The following C11orf65 variants were observed in gnomAD, a reference collection of about 807,000 sequenced individuals.
C11orf65 encodes chromosome 11 open reading frame 65, also known as protein MFI.
C11orf65 carries 38 observed loss-of-function variants against 35.3 expected under a neutral mutation model. The observed-to-expected ratio is 1.08, with a 90% CI of 0.83 to 1.41. The LOEUF (loss-of-function observed/expected upper bound fraction) is 1.41, where lower values mean the gene tolerates loss of function less well. C11orf65 is among the 40% of genes most tolerant of loss of function. The pLI, the probability that C11orf65 is intolerant of heterozygous loss-of-function variation, is 0.00. For missense variants in C11orf65, 370 were observed against 367.1 expected (o/e 1.01, Z -0.06); for synonymous variants, 105 against 114.4 (o/e 0.92, Z 0.53).
At chr11:108,416,995 C>T (rs2138827557) in intron 3 of C11orf65, among the ~76,000 whole-genome samples, 1 of 152,122 alleles carries the variant, frequency 6.6e-6, no homozygotes, top group Non-Finnish European at 1.5e-5. Flanking sequence ...TTTCATAAGT[C>T]AAATATGCAT....
At chr11:108,421,389 C>T (rs2092814238) in intron 3 of C11orf65, among the ~76,000 whole-genome samples, 1 of 152,202 alleles carries the variant, frequency 6.6e-6, no homozygotes, top group Non-Finnish European at 1.5e-5. Context: ...GGTGCGATAG[C>T]TCACGCCTAT....
rs1479612629 is a variant in C11orf65 at position 108,343,303 on chromosome 11, G to A, written c.227-8011C>T. 6.2e-7 allele frequency: 1 copy of A among 1,614,042 alleles called. No homozygotes were observed. The highest frequency in any genetic ancestry group is 8.5e-7 in the Non-Finnish European group (1 of 1,179,938). On this transcript the variant is annotated intron_variant, in intron 2 of 3. Transcript: ENST00000524755. ...CATTGGTGAATTTCTTGTTAACAATGAAGATGGTGCTCATAAAAGATACAG... is the reference window on the plus strand; with the variant it reads ...CATTGGTGAATTTCTTGTTAACAATAAAGATGGTGCTCATAAAAGATACAG...
chr11:108,444,958 T>C (rs2093227529), intron 2 of C11orf65, among the ~76,000 whole-genome samples: 1 of 152,148 alleles, frequency 6.6e-6, no homozygotes, highest in African/African-American at 2.4e-5. Flanking sequence ...GGAGATTATA[T>C]CCCACACATG....
At chr11:108,308,768 C>A (rs1245025363) in exon 7 of C11orf65, 3 of 459,634 alleles carry the variant, frequency 6.5e-6, no homozygotes, top group South Asian at 6.4e-5. Context: ...AAATTAATTC[C>A]TATGTAGTCT....
At chr11:108,468,755 T>C (rs569168866), upstream of C11orf65, among the ~76,000 whole-genome samples, 2 of 152,102 alleles carry the variant, frequency 1.3e-5, no homozygotes, top group African/African-American at 4.8e-5. Flanking sequence ...AAAAATATAG[T>C]CATGGAAACA....
chr11:108,419,305 C>T (rs190338392), intron 3 of C11orf65, among the ~76,000 whole-genome samples: 36 of 152,188 alleles, frequency 2.4e-4, no homozygotes, highest in Admixed American at 2.2e-3. Flanking sequence ...AACGCTAAGA[C>T]GATTTAACAT....
intron 6 of C11orf65, among the ~76,000 whole-genome samples, chr11:108,309,882 T>A (rs140895696): frequency 1.3e-5 from 2 of 152,312 alleles, no homozygotes; most frequent in African/African-American, 2.4e-5. Flanking sequence ...AGAGAGCAGA[T>A]ATGAACCCCA....
downstream of C11orf65, chr11:108,382,689 G>A (rs1480455419): frequency 1.3e-6 from 1 of 754,838 alleles, no homozygotes; most frequent in Admixed American, 6.3e-5. Context: ...GGGACCGAGA[G>A]CTCTGCCTTC....
In C11orf65 at chr11:108,310,312, A is replaced by C. The variant is rs730881377; in HGVS notation, c.641-1241T>G. The C allele has an allele frequency of 1.9e-6, 3 of 1,612,798 alleles. No individual in the cohort carries two copies. The highest frequency in any genetic ancestry group is 1.7e-6 in the Non-Finnish European group (2 of 1,179,226). On this transcript the variant is annotated intron_variant, in intron 6 of 6. Transcript: ENST00000525729. ...AAGAAAAGTATGGATGATCAAGAGAAAAGGTAATGGAATTTAGAATTTTTG... is the reference window on the plus strand; with the variant it reads ...AAGAAAAGTATGGATGATCAAGAGACAAGGTAATGGAATTTAGAATTTTTG...
intron 3 of C11orf65, among the ~76,000 whole-genome samples, chr11:108,423,879 T>A (rs1485579329): frequency 2.0e-5 from 3 of 151,850 alleles, no homozygotes; most frequent in Non-Finnish European, 4.4e-5. Flanking sequence ...AAAAAGAACA[T>A]CCACACAGAA....
intron 6 of C11orf65, among the ~76,000 whole-genome samples, chr11:108,324,665 T>G (rs1042475740): frequency 2.6e-5 from 4 of 152,224 alleles, no homozygotes; most frequent in African/African-American, 9.6e-5. Context: ...TTTGTCATCT[T>G]ACTCTCCCTG....
chr11:108,321,524 T>G, intron 6 of C11orf65: 1 of 1,531,538 alleles, frequency 6.5e-7, no homozygotes, highest in East Asian at 2.3e-5. Flanking sequence ...GGCTCATGCC[T>G]GTAATCCTAG....
chr11:108,328,726 A>G (rs909508147), downstream of C11orf65, among the ~76,000 whole-genome samples: 1 of 152,246 alleles, frequency 6.6e-6, no homozygotes, highest in Non-Finnish European at 1.5e-5. Flanking sequence ...GCCTTGGGCC[A>G]CACATAAAAT....
At chr11:108,351,893 C>A (rs1177028548) in intron 2 of C11orf65, among the ~76,000 whole-genome samples, 2 of 152,158 alleles carry the variant, frequency 1.3e-5, no homozygotes, top group African/African-American at 4.8e-5. Context: ...TTCTGACTCA[C>A]TCCTTGGTGT....
chr11:108,393,388 C>T lies in C11orf65; in HGVS notation c.561-10G>A, dbSNP rs2092216773. The T allele has an allele frequency of 6.2e-7, 1 of 1,607,558 alleles. No homozygotes were observed. The highest frequency in any genetic ancestry group is 1.7e-5 in the Admixed American group (1 of 59,838). Reference sequence around the variant, plus strand: ...ACTTCCTGAGTAGTACCTAAATAGGCAAAAGGGAAAGAGAAGTAAATCTTT... The same window carrying T: ...ACTTCCTGAGTAGTACCTAAATAGGTAAAAGGGAAAGAGAAGTAAATCTTT... On this transcript the variant is annotated splice_polypyrimidine_tract_variant and intron_variant, in intron 6 of 8. Coordinates refer to ENST00000393084, the MANE Select transcript of C11orf65 (RefSeq NM_152587.5).
At chr11:108,450,469 T>C (rs913337229) in intron 2 of C11orf65, among the ~76,000 whole-genome samples, 2 of 151,516 alleles carry the variant, frequency 1.3e-5, no homozygotes, top group Middle Eastern at 3.2e-3. Flanking sequence ...TTCATGACCT[T>C]TGTAGGAACA....
chr11:108,443,060 T>C (rs1214895419), intron 2 of C11orf65, among the ~76,000 whole-genome samples: 2 of 152,174 alleles, frequency 1.3e-5, no homozygotes, highest in Non-Finnish European at 2.9e-5. Flanking sequence ...CACTGTGCTG[T>C]ATTCAGGAGA....
intron 3 of C11orf65, among the ~76,000 whole-genome samples, chr11:108,408,640 C>G (rs1012524455): frequency 8.0e-6 from 1 of 124,572 alleles, no homozygotes; most frequent in African/African-American, 2.9e-5. Flanking sequence ...TGCACCACTG[C>G]ACTCCAGCCT....
chr11:108,357,189 C>G (rs1023441849), intron 2 of C11orf65, among the ~76,000 whole-genome samples: 3 of 152,222 alleles, frequency 2.0e-5, no homozygotes, highest in Non-Finnish European at 2.9e-5. Context: ...TGACAGACGG[C>G]ACCTGGAAAA....
Sources: allele counts gnomAD v4.1 joint callset (sites outside exome capture counted in the v4.1 genomes callset), GRCh38; gene constraint gnomAD v4.1.1; transcripts MANE v1.5; gene names NCBI Gene and HGNC (gene_info 2026-07-23, HGNC 2026-07-21).